The following HELB variants were observed in gnomAD, a reference collection of about 807,000 sequenced individuals.
HELB encodes DNA helicase B, also known as DNA 5'-3' helicase B.
Under a neutral mutation model 101.7 loss-of-function variants are expected in HELB, and 96 were observed. The ratio of observed to expected loss-of-function variants is 0.94; its 90% CI spans 0.80 to 1.12. HELB has a LOEUF of 1.12. HELB is among the 50% of genes most tolerant of loss of function. The pLI, the probability that HELB is intolerant of heterozygous loss-of-function variation, is 0.00. For missense variants in HELB, 1,210 were observed against 1,291.9 expected (o/e 0.94, Z 0.97); for synonymous variants, 437 against 459.7 (o/e 0.95, Z 0.63).
chr12:66,332,806 T>C (rs2053824898), intron 12 of HELB, among the ~76,000 whole-genome samples: 1 of 152,226 alleles, frequency 6.6e-6, no homozygotes, highest in South Asian at 2.1e-4. Context: ...GACTCCCAGG[T>C]GCCTACAACA....
Position 66,331,383 on chromosome 12 carries a change from C to T in HELB, c.2900C>T (p.Ser967Phe). Residue 967 changes from serine (S) to phenylalanine (F), a missense_variant, in exon 12 of 13, where the codon TCC becomes TTC. Physicochemically the swap from Ser to Phe is radical, Grantham distance 155. Around this residue, in one of 2 missense-constraint regions of HELB, gnomAD observed 740 missense variants for 728.8 expected, o/e 1.02. Coordinates refer to ENST00000247815, the MANE Select transcript of HELB (RefSeq NM_001370285.1). ...SSGAPPADFP[S>F]PRKSSGDSGG... is the part of the protein sequence containing the mutation. ...GGCGCACCTCCAGCAGATTTTCCGT[C>T]CCCACGGAAGAGCTCTGGAGACAGT... is the stretch of plus-strand genomic sequence containing the variant. 1 of 1,614,190 alleles carries T rather than the reference C, an allele frequency of 6.2e-7. No individual in the cohort carries two copies. The highest frequency in any genetic ancestry group is 8.5e-7 in the Non-Finnish European group (1 of 1,180,020).
chr12:66,306,075 A>G (rs993975336), intron 2 of HELB, among the ~76,000 whole-genome samples: 3 of 152,206 alleles, frequency 2.0e-5, no homozygotes, highest in Non-Finnish European at 2.9e-5. Context: ...ATTCTGTTAT[A>G]GTGCAGGCAG....
chr12:66,305,829 A>G (rs1592629611), intron 2 of HELB, among the ~76,000 whole-genome samples: 1 of 152,168 alleles, frequency 6.6e-6, no homozygotes, highest in East Asian at 1.9e-4. Flanking sequence ...TACATTTAGG[A>G]AATACTTCAG....
intron 5 of HELB, 107 bp from the exon 6 acceptor site, chr12:66,315,132 ATGT>A (rs989926960): frequency 2.9e-5 from 19 of 663,822 alleles, no homozygotes; most frequent in Non-Finnish European, 4.4e-5. Context: ...TACTGTTTAA[ATGT>A]TGTTTTTTGT....
At chr12:66,330,075 A>G (rs1179550343) in intron 11 of HELB, among the ~76,000 whole-genome samples, 4 of 152,322 alleles carry the variant, frequency 2.6e-5, no homozygotes, top group South Asian at 4.1e-4. Context: ...CCATCTTGTC[A>G]GTTGTCTTCC....
intron 12 of HELB, among the ~76,000 whole-genome samples, chr12:66,336,225 A>G (rs1197664881): frequency 6.6e-6 from 1 of 152,176 alleles, no homozygotes; most frequent in African/African-American, 2.4e-5. Context: ...TTAGTTTGAC[A>G]GTTCCTTTTG....
At chr12:66,302,812 G>A in intron 1 of HELB, 22 bp downstream of exon 1, 3 of 1,586,850 alleles carry the variant, frequency 1.9e-6, no homozygotes, top group Non-Finnish European at 2.6e-6. Flanking sequence ...GTCTGCCCGG[G>A]GGATGGGGTT....
intron 1 of HELB, among the ~76,000 whole-genome samples, chr12:66,303,685 C>T (rs2136983573): frequency 6.6e-6 from 1 of 152,224 alleles, no homozygotes; most frequent in East Asian, 1.9e-4. Context: ...CAAGGAACAC[C>T]TCAGTGCACA....
At chr12:66,317,018 C>CA (rs35841295) in intron 6 of HELB, among the ~76,000 whole-genome samples, 2,224 of 81,446 alleles carry the variant, frequency 0.027, 50 homozygotes, top group East Asian at 0.064. Context: ...GACTCCATCT[C>CA]AAAAAAAAAA....
intron 4 of HELB, among the ~76,000 whole-genome samples, chr12:66,311,991 G>C (rs2053550401): frequency 6.6e-6 from 1 of 152,214 alleles, no homozygotes; most frequent in African/African-American, 2.4e-5. Context: ...ATCGTAGTGT[G>C]CCTGGAGGAT....
chr12:66,320,886 G>A (rs111652840), intron 7 of HELB, among the ~76,000 whole-genome samples: 123 of 152,260 alleles, frequency 8.1e-4, no homozygotes, highest in African/African-American at 2.5e-3. Context: ...AATAAAATAC[G>A]TTGTACATAT....
chr12:66,338,058 A>G lies in HELB; in HGVS notation c.3220A>G (p.Ile1074Val), dbSNP rs2053885068. The part of the protein sequence containing the change: ...RLQNLRLNNL[I>V]PRQLFKPTDN... ...TCAGAATTTGAGACTGAATAATTTAATTCCCAGGCAACTTTTCAAGCCCAC... is the reference window on the plus strand; with the variant it reads ...TCAGAATTTGAGACTGAATAATTTAGTTCCCAGGCAACTTTTCAAGCCCAC... Residue 1074 changes from isoleucine (I) to valine (V), a missense_variant, in exon 13 of 13, where the codon ATT becomes GTT. Ile to Val is a conservative substitution (Grantham distance 29, BLOSUM62 3). Transcript: ENST00000247815. 1 of 1,606,064 alleles carries G rather than the reference A, an allele frequency of 6.2e-7. No homozygotes were observed. The highest frequency in any genetic ancestry group is 8.5e-7 in the Non-Finnish European group (1 of 1,172,924).
At chr12:66,322,823 T>C in intron 9 of HELB, 40 bp downstream of exon 9, 1 of 1,373,998 alleles carries the variant, frequency 7.3e-7, no homozygotes, top group South Asian at 1.3e-5. Context: ...AGGACAGTCC[T>C]TCTTCGATTT....
chr12:66,305,887 T>G (rs1361793952), intron 2 of HELB, among the ~76,000 whole-genome samples: 2 of 152,228 alleles, frequency 1.3e-5, no homozygotes, highest in African/African-American at 4.8e-5. Context: ...TATCTGGATA[T>G]TCATATATAT....
intron 3 of HELB, among the ~76,000 whole-genome samples, chr12:66,309,069 G>A (rs967149241): frequency 4.6e-5 from 7 of 152,208 alleles, no homozygotes; most frequent in African/African-American, 1.7e-4. Context: ...TGAGGCAGAT[G>A]TTAACTTCAT....
At chr12:66,318,191 G>T (rs1017181471) in intron 6 of HELB, among the ~76,000 whole-genome samples, 5 of 152,120 alleles carry the variant, frequency 3.3e-5, no homozygotes, top group Non-Finnish European at 7.4e-5. Flanking sequence ...AGTCAAATGC[G>T]CCTATTTGCC....
Position 66,331,397 on chromosome 12 carries a change from T to C in HELB, c.2914T>C (p.Ser972Pro). 1.2e-6 allele frequency: 2 copies of C among 1,614,200 alleles called. No homozygotes were observed. The highest frequency in any genetic ancestry group is 1.7e-6 in the Non-Finnish European group (2 of 1,180,032). The change falls in exon 12 of 13, where the codon TCT (serine) becomes CCT (proline). Residue 972 changes from serine (S) to proline (P), a missense_variant. Transcript: ENST00000247815. ...AGATTTTCCGTCCCCACGGAAGAGC[T>C]CTGGAGACAGTGGAGGACCCAGCAC... The part of the protein sequence containing the change: ...PADFPSPRKS[S>P]GDSGGPSTPS...
intron 4 of HELB, among the ~76,000 whole-genome samples, chr12:66,312,348 A>G (rs1324829351): frequency 2.0e-5 from 3 of 152,208 alleles, no homozygotes; most frequent in Non-Finnish European, 2.9e-5. Context: ...TTAGGGAGCC[A>G]TTTAGGTTCC....
At chr12:66,327,218 C>A (rs1481193255) in intron 11 of HELB, among the ~76,000 whole-genome samples, 1 of 151,590 alleles carries the variant, frequency 6.6e-6, no homozygotes, top group African/African-American at 2.4e-5. Context: ...TCCCTTAAGA[C>A]CAAAGTTCCC....
Sources: allele counts gnomAD v4.1 joint callset (sites outside exome capture counted in the v4.1 genomes callset), GRCh38; gene constraint gnomAD v4.1.1; regional missense constraint gnomAD v4.1.1; transcripts MANE v1.5; gene names NCBI Gene and HGNC (gene_info 2026-07-23, HGNC 2026-07-21).